Variants in ZC3H14 observed in about 807,000 individuals in gnomAD.
The protein encoded by ZC3H14 is zinc finger CCCH-type containing 14.
Under a neutral mutation model 92.4 loss-of-function variants are expected in ZC3H14, and 31 were observed. The ratio of observed to expected loss-of-function variants is 0.34; its 90% CI spans 0.25 to 0.45. ZC3H14 has a LOEUF of 0.45. Ranked by LOEUF, ZC3H14 falls within the 20% of genes least tolerant of loss-of-function variation. The pLI, the probability that ZC3H14 is intolerant of heterozygous loss-of-function variation, is 1.00. For synonymous variants in ZC3H14, 321 were observed against 300.9 expected (o/e 1.07, Z -0.69); for missense variants, 781 against 897.3 (o/e 0.87, Z 1.66).
chr14:88,624,836 A>G lies in ZC3H14; in HGVS notation c.*13085A>G. The G allele has an allele frequency of 1.0e-6, 1 of 955,862 alleles. No homozygotes were observed. The highest frequency in any genetic ancestry group is 1.5e-6 in the Non-Finnish European group (1 of 657,064). The allele number at this position is 955,862 out of a possible 1,614,324, so 59.2% of individuals were successfully genotyped here. A position where few individuals can be genotyped will look rare whatever the true frequency, so the allele number is the denominator to read the frequency against. ...TCAAATAGAAGGCACATAAAAGGTA[A>G]TAAAGGAGAAGCATATGAGGAGGAA... On this transcript the variant is annotated 3_prime_UTR_variant, in exon 17 of 17. Transcript: ENST00000251038.
At chr14:88,598,842 T>C (rs940815375) in intron 10 of ZC3H14, among the ~76,000 whole-genome samples, 4 of 152,194 alleles carry the variant, frequency 2.6e-5, no homozygotes, top group Admixed American at 2.0e-4. Flanking sequence ...ATCCCAGCAC[T>C]TGGGGAAGCC....
rs1482795780 is a variant in ZC3H14 at position 88,621,328 on chromosome 14, T to C, written c.*9577T>C. 6.2e-7 allele frequency: 1 copy of C among 1,611,666 alleles called. No individual in the cohort carries two copies. Among genetic ancestry groups the C allele is most frequent in the East Asian group, 2.2e-5 (1 of 44,840 alleles). ...TGAAACACAAGCAGGACCAATACAGTGAATGTAATACAACAGCTGCTTTTC... is the reference window on the plus strand; with the variant it reads ...TGAAACACAAGCAGGACCAATACAGCGAATGTAATACAACAGCTGCTTTTC... On this transcript the variant is annotated 3_prime_UTR_variant, in exon 17 of 17. Transcript: ENST00000251038.
Position 88,614,974 on chromosome 14 carries a change from G to T in ZC3H14, c.*3223G>T, listed in dbSNP as rs535627978. Reference sequence around the variant, plus strand: ...ATGTTAAACAAATGTGTATATATTAGACTACATTAAATATGCAATTCTTTC... The same window carrying T: ...ATGTTAAACAAATGTGTATATATTATACTACATTAAATATGCAATTCTTTC... On this transcript the variant is annotated 3_prime_UTR_variant, in exon 17 of 17. Coordinates refer to ENST00000251038, the MANE Select transcript of ZC3H14 (RefSeq NM_024824.5). The T allele has an allele frequency of 6.6e-6, 1 of 152,246 alleles. No individual in the cohort carries two copies. Among genetic ancestry groups the T allele is most frequent in the South Asian group, 2.1e-4 (1 of 4,820 alleles). The allele number at this position is 152,246 out of a possible 1,614,324, so 9.4% of individuals were successfully genotyped here.
chr14:88,609,446 A>AC (rs755763633), intron 14 of ZC3H14, 43 bp downstream of exon 14: 17 of 1,613,406 alleles, frequency 1.1e-5, no homozygotes. Flanking sequence ...AAAAAATATA[A>AC]AATGGCATTT....
intron 9 of ZC3H14, chr14:88,591,069 A>G (rs946448652): frequency 1.3e-5 from 2 of 152,184 alleles, no homozygotes; most frequent in Admixed American, 1.3e-4. Context: ...TACAGTAGCC[A>G]TTTTTAAGTA....
chr14:88,609,880 TTAC>T, intron 15 of ZC3H14, 77 bp downstream of exon 15: 1 of 1,471,436 alleles, frequency 6.8e-7, no homozygotes, highest in Non-Finnish European at 9.5e-7. Context: ...TTTGTCAGAG[TTAC>T]TACATTGGTG....
intron 10 of ZC3H14, among the ~76,000 whole-genome samples, chr14:88,601,050 T>C (rs1337609008): frequency 6.6e-6 from 1 of 152,184 alleles, no homozygotes; most frequent in Admixed American, 6.5e-5. Flanking sequence ...AAGCTTTTCG[T>C]TGGTTCTTGG....
rs2087007198 is a variant in ZC3H14, at chr14:88,612,934, A to AG, written c.*1187dup. ...GGTTAGAAAAGTGGATTAATGCAAA[A>AG]GGGGTAATAAAGACTGCAACATTCT... On this transcript the variant is annotated 3_prime_UTR_variant, in exon 17 of 17. Transcript: ENST00000251038. The AG allele has an allele frequency of 6.6e-6, 1 of 152,496 alleles. No individual in the cohort carries two copies. The highest frequency in any genetic ancestry group is 1.5e-5 in the Non-Finnish European group (1 of 68,018). The allele number at this position is 152,496 out of a possible 1,614,324, so 9.4% of individuals were successfully genotyped here. A position where few individuals can be genotyped will look rare whatever the true frequency, so the allele number is the denominator to read the frequency against.
At position 88,572,984 on chromosome 14, in the gene ZC3H14, A is replaced by G. The variant is rs776174742; in HGVS notation, c.838A>G (p.Asn280Asp). The G allele has an allele frequency of 6.2e-7, 1 of 1,614,112 alleles. No homozygotes were observed. The highest frequency in any genetic ancestry group is 1.7e-5 in the Admixed American group (1 of 60,028). The change falls in exon 6 of 17, where the codon AAC (asparagine) becomes GAC (aspartate). Residue 280 changes from asparagine (N) to aspartate (D), a missense_variant. Transcript: ENST00000251038. Reference sequence around the variant, plus strand: ...AACGTATAGTCCGTTCTTTAGAAACAACTCGGAGAAAATGAGTATGGAGGT... The same window carrying G: ...AACGTATAGTCCGTTCTTTAGAAACGACTCGGAGAAAATGAGTATGGAGGT... ...EETYSPFFRN[N>D]SEKMSMEDEN...
At chr14:88,585,382 T>C (rs1452835557) in intron 9 of ZC3H14, among the ~76,000 whole-genome samples, 1 of 1,568 alleles carries the variant, frequency 6.4e-4, no homozygotes, top group Non-Finnish European at 0.022. Context: ...TTTCTGTTCT[T>C]TTTTTTTTTT....
chr14:88,575,788 T>G, intron 7 of ZC3H14, 52 bp from the exon 8 acceptor site: 2 of 1,466,696 alleles, frequency 1.4e-6, no homozygotes, highest in African/African-American at 2.8e-5. Flanking sequence ...GGCTGGCCTG[T>G]GAGGAACTGA....
intron 7 of ZC3H14, 61 bp downstream of exon 7, chr14:88,574,914 T>C: frequency 6.2e-7 from 1 of 1,609,832 alleles, no homozygotes; most frequent in Non-Finnish European, 8.5e-7. Flanking sequence ...TCCTGATTTA[T>C]TGAAGAGAAT....
Position 88,624,988 on chromosome 14 carries a change from G to A in ZC3H14, c.*13237G>A. ...GACTCACGGCCTTTCCTTTCCCCCA[G>A]TCACGATAAGTCCATCTCGCAGGGT... On this transcript the variant is annotated 3_prime_UTR_variant, in exon 17 of 17. Transcript: ENST00000251038. The A allele has an allele frequency of 6.2e-7, 1 of 1,613,506 alleles. No homozygotes were observed. The highest frequency in any genetic ancestry group is 8.5e-7 in the Non-Finnish European group (1 of 1,179,636).
chr14:88,571,297 A>G (rs1365746638), intron 4 of ZC3H14, among the ~76,000 whole-genome samples, 173 bp downstream of exon 4: 1 of 152,158 alleles, frequency 6.6e-6, no homozygotes, highest in Non-Finnish European at 1.5e-5. Flanking sequence ...AACATAATTC[A>G]AAGATAATTT....
chr14:88,587,581 G>A (rs2139844033), intron 9 of ZC3H14, among the ~76,000 whole-genome samples: 1 of 152,148 alleles, frequency 6.6e-6, no homozygotes, highest in South Asian at 2.1e-4. Context: ...TTTACATTTT[G>A]TTCCCTACTT....
intron 9 of ZC3H14, among the ~76,000 whole-genome samples, chr14:88,583,343 CCTG>C (rs1566928002): frequency 6.6e-6 from 1 of 151,954 alleles, no homozygotes; most frequent in Non-Finnish European, 1.5e-5. Flanking sequence ...GTCTGGAACT[CCTG>C]AGCTCAAGCA....
chr14:88,563,557 G>A lies in ZC3H14; in HGVS notation c.37-94G>A. The A allele has an allele frequency of 2.5e-6, 4 of 1,584,724 alleles. No homozygotes were observed. In the South Asian group the frequency reaches 3.3e-5, roughly 13 times the overall value. Reference sequence around the variant, plus strand: ...CCCCCGCCCGGGGGATCCGAGGTGCGCGCACCAGCAAAGTGGCCTCAGCCG... The same window carrying A: ...CCCCCGCCCGGGGGATCCGAGGTGCACGCACCAGCAAAGTGGCCTCAGCCG... On this transcript the variant is annotated intron_variant, in intron 1 of 16. Transcript: ENST00000251038.
intron 2 of ZC3H14, among the ~76,000 whole-genome samples, chr14:88,564,689 C>T (rs548607584): frequency 5.3e-5 from 8 of 152,248 alleles, no homozygotes; most frequent in Non-Finnish European, 8.8e-5. Context: ...TCAAATCACT[C>T]CCCCCTTGTA....
At position 88,627,260 on chromosome 14, in the gene ZC3H14, C is replaced by T. The variant is rs1000441227; in HGVS notation, c.*15509C>T. The T allele has an allele frequency of 7.2e-5, 41 of 572,182 alleles. No homozygotes were observed. The highest frequency in any genetic ancestry group is 2.5e-4 in the Admixed American group (8 of 32,558). The allele number at this position is 572,182 out of a possible 1,614,324, so 35.4% of individuals were successfully genotyped here. A position where few individuals can be genotyped will look rare whatever the true frequency, so the allele number is the denominator to read the frequency against. On this transcript the variant is annotated 3_prime_UTR_variant, in exon 17 of 17. Transcript: ENST00000251038. ...GCTCCATTAACTTTTCTTTATATAA[C>T]GTAAATGTTTTGTCTAAAGTGTGGT... is the stretch of plus-strand genomic sequence containing the variant.
Sources: allele counts gnomAD v4.1 joint callset (sites outside exome capture counted in the v4.1 genomes callset), GRCh38; gene constraint gnomAD v4.1.1; transcripts MANE v1.5; gene names NCBI Gene and HGNC (gene_info 2026-07-23, HGNC 2026-07-21).